PCSK5: variants seen among roughly 807,000 people sequenced by gnomAD.
The protein encoded by PCSK5 is proprotein convertase subtilisin/kexin type 5.
Under a neutral mutation model 233.2 loss-of-function variants are expected in PCSK5, and 129 were observed. That is an observed-to-expected ratio of 0.55 (90% CI 0.48 to 0.64). The LOEUF (loss-of-function observed/expected upper bound fraction) is 0.64, where lower values mean the gene tolerates loss of function less well. Ranked by LOEUF, PCSK5 falls within the 30% of genes least tolerant of loss-of-function variation. The probability of loss-of-function intolerance (pLI) is 0.00; values close to 1 mark genes in which losing one functional copy is unlikely to be tolerated. For missense variants in PCSK5, 2,076 were observed against 2,430.1 expected, an observed-to-expected ratio of 0.85 and a Z score of 3.06; for synonymous variants, 825 against 879.2, an observed-to-expected ratio of 0.94 and a Z score of 1.09.
At chr9:76,084,338 C>G (rs1830976607) in intron 7 of PCSK5, among the ~76,000 whole-genome samples, 1 of 152,200 alleles carries the variant, frequency 6.6e-6, no homozygotes, top group African/African-American at 2.4e-5. Flanking sequence ...GAACACAAAT[C>G]TATTCTAACC....
chr9:76,327,073 C>A (rs1417447740), intron 32 of PCSK5, among the ~76,000 whole-genome samples: 1 of 151,320 alleles, frequency 6.6e-6, no homozygotes, highest in Non-Finnish European at 1.5e-5. Context: ...TCAAGACCAG[C>A]CTGGGCAGCA....
intron 2 of PCSK5, among the ~76,000 whole-genome samples, chr9:75,983,990 A>C (rs890300517): frequency 6.6e-6 from 1 of 152,116 alleles, no homozygotes. Flanking sequence ...ACTAAAAAAA[A>C]CCCACTGAAC....
intron 20 of PCSK5, among the ~76,000 whole-genome samples, chr9:76,219,543 A>C (rs957817936): frequency 1.3e-5 from 2 of 152,120 alleles, no homozygotes; most frequent in African/African-American, 2.4e-5. Context: ...GTGCACTAGC[A>C]CCTCTATGTA....
intron 5 of PCSK5, among the ~76,000 whole-genome samples, chr9:76,064,403 G>A (rs1300787402): frequency 1.7e-4 from 22 of 130,632 alleles, no homozygotes; most frequent in Non-Finnish European, 3.3e-4. Flanking sequence ...CTGGCCAGGC[G>A]GGGGGCTGAC....
intron 16 of PCSK5, among the ~76,000 whole-genome samples, chr9:76,183,306 A>G (rs1480430527): frequency 6.6e-6 from 1 of 152,078 alleles, no homozygotes; most frequent in Admixed American, 6.6e-5. Flanking sequence ...AGTGGTTTGT[A>G]TATCTCTCTC....
At chr9:75,932,997 AG>A (rs1823879093) in intron 2 of PCSK5, among the ~76,000 whole-genome samples, 1 of 152,106 alleles carries the variant, frequency 6.6e-6, no homozygotes, top group Admixed American at 6.6e-5. Context: ...GAACACAGAA[AG>A]GGGAGAAGCT....
intron 1 of PCSK5, among the ~76,000 whole-genome samples, chr9:75,908,137 G>A (rs1259800911): frequency 6.6e-6 from 1 of 152,270 alleles, no homozygotes; most frequent in Non-Finnish European, 1.5e-5. Context: ...AGTATTTATT[G>A]GGAGTTAACT....
chr9:76,070,895 TAC>T (rs761735075), intron 6 of PCSK5, among the ~76,000 whole-genome samples: 13 of 152,190 alleles, frequency 8.5e-5, no homozygotes, highest in Non-Finnish European at 1.8e-4. Context: ...TTTTAAATGA[TAC>T]AGTGTTTCAG....
chr9:75,920,693 T>G (rs1326314290), intron 1 of PCSK5, among the ~76,000 whole-genome samples: 1 of 151,852 alleles, frequency 6.6e-6, no homozygotes, highest in Non-Finnish European at 1.5e-5. Flanking sequence ...GTAATCCCAG[T>G]TACTCTGGAG....
chr9:76,308,810 A>T (rs1451940315), intron 29 of PCSK5, 82 bp downstream of exon 29: 1 of 811,086 alleles, frequency 1.2e-6, no homozygotes, highest in Non-Finnish European at 2.1e-6. Flanking sequence ...TGGTGTAAGG[A>T]GGTCTGTAAG....
chr9:75,963,487 G>T (rs918842214), intron 2 of PCSK5, among the ~76,000 whole-genome samples: 5 of 152,204 alleles, frequency 3.3e-5, no homozygotes, highest in African/African-American at 4.8e-5. Context: ...GTTTTCCTGT[G>T]GTTTTTAGCC....
chr9:76,013,618 C>T (rs542879309), intron 3 of PCSK5, among the ~76,000 whole-genome samples: 37 of 152,192 alleles, frequency 2.4e-4, no homozygotes, highest in African/African-American at 7.7e-4. Flanking sequence ...TCTGTTAATT[C>T]GTCCATTCAC....
At chr9:76,234,916 T>C (rs933748307) in intron 22 of PCSK5, among the ~76,000 whole-genome samples, 2 of 152,206 alleles carry the variant, frequency 1.3e-5, no homozygotes, top group African/African-American at 4.8e-5. Flanking sequence ...TCCTATTCCA[T>C]CTTAGTTTCA....
At chr9:76,285,559 G>A (rs1203208208) in intron 24 of PCSK5, among the ~76,000 whole-genome samples, 3 of 152,254 alleles carry the variant, frequency 2.0e-5, no homozygotes, top group South Asian at 2.1e-4. Flanking sequence ...GTGGTAGGGG[G>A]GGAGTCTGGC....
chr9:76,354,339 T>A, intron 37 of PCSK5, 120 bp downstream of exon 37: 1 of 720,710 alleles, frequency 1.4e-6, no homozygotes, highest in African/African-American at 1.8e-5. Context: ...TTTTATTGAG[T>A]GCCTACTATG....
intron 10 of PCSK5, among the ~76,000 whole-genome samples, chr9:76,149,168 G>A (rs1167822877): frequency 6.6e-6 from 1 of 152,154 alleles, no homozygotes; most frequent in Non-Finnish European, 1.5e-5. Flanking sequence ...ATGCTCCTGA[G>A]AAGCCTACAT....
In PCSK5 at chr9:75,950,505, A is replaced by G. The variant is rs182230214; in HGVS notation, c.297+18022A>G. Among the ~76,000 whole-genome samples the G allele has an allele frequency of 4.4e-3, 672 of 152,340 alleles. 1 individual carries two copies. The highest frequency in any genetic ancestry group is 7.2e-3 in the Non-Finnish European group (491 of 68,024). On this transcript the variant is annotated intron_variant, in intron 2 of 37. Transcript: ENST00000674117. ...CAGCTGATCTCTCGGCAGAAACTCT[A>G]CAAGCCAGAAGAGAGTGGGGACCAA...
chr9:76,057,096 A>T (rs1257598078), intron 5 of PCSK5, among the ~76,000 whole-genome samples: 5 of 152,150 alleles, frequency 3.3e-5, no homozygotes, highest in Admixed American at 3.3e-4. Context: ...AAATCTACTA[A>T]AGTTTTCTCC....
intron 21 of PCSK5, among the ~76,000 whole-genome samples, chr9:76,232,111 C>T (rs1231752664): frequency 6.6e-6 from 1 of 152,150 alleles, no homozygotes; most frequent in East Asian, 1.9e-4. Flanking sequence ...AATGGCCCAC[C>T]CCCCAGTTCA....
Sources: allele counts gnomAD v4.1 joint callset (sites outside exome capture counted in the v4.1 genomes callset), GRCh38; gene constraint gnomAD v4.1.1; transcripts MANE v1.5; gene names NCBI Gene and HGNC (gene_info 2026-07-23, HGNC 2026-07-21).